Variants in FBXO38 observed in about 807,000 individuals in gnomAD.
FBXO38 encodes F-box only protein 38.
A neutral mutation model predicts 131.9 loss-of-function variants in FBXO38; 53 were observed. The observed-to-expected ratio is 0.40, with a 90% CI of 0.32 to 0.51. The LOEUF (loss-of-function observed/expected upper bound fraction) is 0.51, where lower values mean the gene tolerates loss of function less well. Among genes scored for constraint, FBXO38 ranks in the 20% least tolerant of loss-of-function variants. The probability of loss-of-function intolerance (pLI) is 0.53; values close to 1 mark genes in which losing one functional copy is unlikely to be tolerated. For missense variants in FBXO38, 1,076 were observed against 1,475.6 expected (o/e 0.73, Z 4.44); for synonymous variants, 452 against 505.6 (o/e 0.89, Z 1.42).
At chr5:148,393,188 G>GTGTGT (rs1554077288) in intron 1 of FBXO38, among the ~76,000 whole-genome samples, 4 of 127,036 alleles carry the variant, frequency 3.1e-5, no homozygotes, top group African/African-American at 1.2e-4. Flanking sequence ...ACAGAAGAGG[G>GTGTGT]GTGTGTGTGT....
At chr5:148,403,765 A>C (rs1752293000) in intron 5 of FBXO38, among the ~76,000 whole-genome samples, 1 of 152,244 alleles carries the variant, frequency 6.6e-6, no homozygotes, top group African/African-American at 2.4e-5. Flanking sequence ...CCATTCAAGT[A>C]CTGCAATTTT....
chr5:148,405,701 G>A (rs376905166), intron 6 of FBXO38, among the ~76,000 whole-genome samples: 2 of 152,186 alleles, frequency 1.3e-5, no homozygotes, highest in African/African-American at 2.4e-5. Context: ...TTTTGTATGC[G>A]TTCTTCAGGT....
chr5:148,404,615 C>A, intron 5 of FBXO38, 70 bp from the exon 6 acceptor site: 1 of 1,357,584 alleles, frequency 7.4e-7, no homozygotes, highest in South Asian at 1.7e-5. Flanking sequence ...GACTCTTGAA[C>A]TTATAAGCAA....
In FBXO38 at chr5:148,427,236, C is replaced by T; in HGVS notation, c.1942C>T (p.Leu648Phe). The stretch of plus-strand genomic sequence containing the variant: ...AGTAAGTGGAAAAGGCAAGACTCCA[C>T]TTCGAAAGAGGTACAACTCCCATCA... ...LSVSGKGKTP[L>F]RKRYNSHQMG... is the part of the protein sequence containing the mutation. Residue 648 changes from leucine (L) to phenylalanine (F), a missense_variant, in exon 15 of 22, where the codon CTT becomes TTT. This residue lies in a region of FBXO38 where 212 missense variants were observed against 221.2 expected (regional missense o/e 0.96). Transcript: ENST00000340253. The T allele has an allele frequency of 6.2e-7, 1 of 1,603,690 alleles. No individual in the cohort carries two copies. Among genetic ancestry groups the T allele is most frequent in the South Asian group, 1.1e-5 (1 of 89,720 alleles).
chr5:148,437,707 C>A (rs1435433285), intron 17 of FBXO38, among the ~76,000 whole-genome samples: 1 of 152,166 alleles, frequency 6.6e-6, no homozygotes, highest in Non-Finnish European at 1.5e-5. Context: ...TTTATTATAT[C>A]AAAATTACTT....
chr5:148,389,043 TTG>T lies in FBXO38; in HGVS notation c.-64+5008_-64+5009del, dbSNP rs759125179. ...CTTAATTGGTCTAATTTAAATATCA[TTG>T]TGTCTCAGGAAATAGGGAGGCCTAA... On this transcript the variant is annotated intron_variant, in intron 1 of 21. Transcript: ENST00000340253. Among the ~76,000 whole-genome samples, 17 of 152,288 alleles carry T rather than the reference TTG, an allele frequency of 1.1e-4. No homozygotes were observed. In the South Asian group the frequency reaches 2.3e-3, roughly 20 times the overall value.
intron 1 of FBXO38, among the ~76,000 whole-genome samples, chr5:148,393,789 C>G (rs1318924793): frequency 1.3e-5 from 2 of 152,096 alleles, no homozygotes; most frequent in Non-Finnish European, 2.9e-5. Flanking sequence ...TCTACAAAGC[C>G]ATTAATATAA....
At chr5:148,417,675 A>G (rs2113591986) in intron 12 of FBXO38, among the ~76,000 whole-genome samples, 1 of 152,314 alleles carries the variant, frequency 6.6e-6, no homozygotes. Flanking sequence ...GATTAAGTAC[A>G]TTAGCTAAGA....
chr5:148,403,711 A>G (rs183274317), intron 5 of FBXO38, among the ~76,000 whole-genome samples: 31 of 152,326 alleles, frequency 2.0e-4, no homozygotes, highest in Admixed American at 5.2e-4. Context: ...CTTGTAGGTT[A>G]CAATAAGAAC....
intron 3 of FBXO38, among the ~76,000 whole-genome samples, chr5:148,399,883 G>A (rs1333755812): frequency 6.6e-6 from 1 of 151,678 alleles, no homozygotes; most frequent in African/African-American, 2.4e-5. Context: ...CAGATTATGA[G>A]ACTTCGAAAA....
At chr5:148,438,628 T>C in intron 18 of FBXO38, 130 bp downstream of exon 18, 1 of 911,550 alleles carries the variant, frequency 1.1e-6, no homozygotes, top group Non-Finnish European at 1.6e-6. Flanking sequence ...GATATTTTAG[T>C]TTTTACAGGT....
chr5:148,434,721 G>GT (rs1440687036), intron 17 of FBXO38: 5 of 152,168 alleles, frequency 3.3e-5, no homozygotes, highest in African/African-American at 1.2e-4. Context: ...ACATATAAAA[G>GT]TTACGTTTAT....
chr5:148,402,689 T>A, intron 5 of FBXO38, 176 bp downstream of exon 5: 1 of 507,018 alleles, frequency 2.0e-6, no homozygotes, highest in Non-Finnish European at 3.4e-6. Context: ...TCCACTGGTG[T>A]GAGGGAAATA....
intron 18 of FBXO38, among the ~76,000 whole-genome samples, chr5:148,439,035 C>T (rs532080580): frequency 6.6e-6 from 1 of 152,280 alleles, no homozygotes; most frequent in East Asian, 1.9e-4. Context: ...AGAGTCAGTT[C>T]ATCATATTGT....
intron 17 of FBXO38, among the ~76,000 whole-genome samples, chr5:148,437,353 C>A (rs530052653): frequency 3.9e-5 from 6 of 152,346 alleles, no homozygotes; most frequent in African/African-American, 1.4e-4. Context: ...GCTCTCCTTT[C>A]CTCTGTTGCT....
Position 148,404,629 on chromosome 5 carries a change from A to G in FBXO38, c.593-56A>G, listed in dbSNP as rs973969412. On this transcript the variant is annotated intron_variant, in intron 5 of 21. Coordinates refer to ENST00000340253, the MANE Select transcript of FBXO38 (RefSeq NM_205836.3). ...AGACTCTTGAACTTATAAGCAAAAT[A>G]TAGTATATTTTTGTGATTTTTTTCT... is the stretch of plus-strand genomic sequence containing the variant. 3 of 1,455,816 alleles carry G rather than the reference A, an allele frequency of 2.1e-6. No homozygotes were observed. The African/African-American group carries it at 4.4e-5, about 21-fold the overall frequency. The allele number at this position is 1,455,816 out of a possible 1,614,324, so 90.2% of individuals were successfully genotyped here. A position where few individuals can be genotyped will look rare whatever the true frequency, so the allele number is the denominator to read the frequency against.
rs1002186449 is a variant in FBXO38, at chr5:148,427,961, C to G, written c.2653+14C>G. On this transcript the variant is annotated intron_variant, in intron 15 of 21. Coordinates refer to ENST00000340253, the MANE Select transcript of FBXO38 (RefSeq NM_205836.3). ...TATCTGAGTCAGGTATGACAATGCT[C>G]CTAGGATTAGCAACTGCAGGGTAGG... 2 of 1,489,564 alleles carry G rather than the reference C, an allele frequency of 1.3e-6. No individual in the cohort carries two copies. The highest frequency in any genetic ancestry group is 2.4e-5 in the Admixed American group (1 of 41,764). The allele number at this position is 1,489,564 out of a possible 1,614,324, so 92.3% of individuals were successfully genotyped here.
At chr5:148,409,251 T>C in intron 8 of FBXO38, 34 bp downstream of exon 8, 1 of 1,332,340 alleles carries the variant, frequency 7.5e-7, no homozygotes, top group Non-Finnish European at 1.1e-6. Context: ...TCTCTCACTT[T>C]AGAAGTAATT....
intron 1 of FBXO38, among the ~76,000 whole-genome samples, chr5:148,392,886 C>T (rs1403220995): frequency 6.6e-6 from 1 of 151,986 alleles, no homozygotes; most frequent in Non-Finnish European, 1.5e-5. Context: ...GTTTCAGGAG[C>T]TATCATAAGA....
Sources: allele counts gnomAD v4.1 joint callset (sites outside exome capture counted in the v4.1 genomes callset), GRCh38; gene constraint gnomAD v4.1.1; regional missense constraint gnomAD v4.1.1; transcripts MANE v1.5; gene names NCBI Gene and HGNC (gene_info 2026-07-23, HGNC 2026-07-21).